COL6A3: variants seen among roughly 807,000 people sequenced by gnomAD.
COL6A3 encodes the protein collagen alpha-3(VI) chain.
COL6A3 carries 137 observed loss-of-function variants against 274.1 expected under a neutral mutation model. That is an observed-to-expected ratio of 0.50 (90% CI 0.44 to 0.58). COL6A3 has a LOEUF of 0.58. Among genes scored for constraint, COL6A3 ranks in the 20% least tolerant of loss-of-function variants. The pLI is 0.00. For synonymous variants in COL6A3, 1,650 were observed against 1,650.6 expected, an observed-to-expected ratio of 1.00 and a Z score of 0.01; for missense variants, 3,950 against 4,124.9, an observed-to-expected ratio of 0.96 and a Z score of 1.16.
intron 1 of COL6A3, among the ~76,000 whole-genome samples, chr2:237,403,948 T>C (rs1002604069): frequency 6.6e-6 from 1 of 151,990 alleles, no homozygotes; most frequent in Non-Finnish European, 1.5e-5. Context: ...GTTAGACCCA[T>C]TCCTGAGTGT....
chr2:237,363,246 A>T lies in COL6A3; in HGVS notation c.6063+7T>A. 6.2e-7 allele frequency: 1 copy of T among 1,614,040 alleles called. No individual in the cohort carries two copies. Among genetic ancestry groups the T allele is most frequent in the Non-Finnish European group, 8.5e-7 (1 of 1,180,006 alleles). On this transcript the variant is annotated splice_region_variant and intron_variant, in intron 14 of 43. Transcript: ENST00000295550. Reference sequence around the variant, plus strand: ...GGTCTGTGTATAAAGACATAAAAAAAACTCACAAGCTGCTCCGCTAGTTCA... The same window carrying T: ...GGTCTGTGTATAAAGACATAAAAAATACTCACAAGCTGCTCCGCTAGTTCA...
chr2:237,381,017 A>T lies in COL6A3; in HGVS notation c.1795T>A (p.Ser599Thr), dbSNP rs759009773. 1.7e-5 allele frequency: 28 copies of T among 1,614,046 alleles called. No individual in the cohort carries two copies. Among genetic ancestry groups the T allele is most frequent in the Non-Finnish European group, 2.2e-5 (26 of 1,180,036 alleles). Residue 599 changes from serine to threonine, a missense_variant, in exon 5 of 44, where the codon TCC becomes ACC. By Grantham distance (58) the Ser-to-Thr change is moderately conservative. This residue lies in a region of COL6A3 where 1,934 missense variants were observed against 1,984.3 expected (regional missense o/e 0.97). Transcript: ENST00000295550. ...TCAGCTGGGATGAACACCAGGGAGG[A>T]GTCGAAAGCGATCTCTTCCAGCTCA... The part of the protein sequence containing the change: ...QAELEEIAFD[S>T]SLVFIPAEFR...
intron 16 of COL6A3, 139 bp downstream of exon 16, chr2:237,360,982 A>T: frequency 1.3e-6 from 1 of 766,656 alleles, no homozygotes; most frequent in Non-Finnish European, 2.3e-6. Context: ...CAAAGTTGTT[A>T]AGAAAAGTAT....
intron 23 of COL6A3, 160 bp from the exon 24 acceptor site, chr2:237,355,094 G>T: frequency 1.5e-6 from 1 of 653,158 alleles, no homozygotes; most frequent in Non-Finnish European, 2.7e-6. Context: ...CACCTCATCA[G>T]CCCTGGGGAA....
chr2:237,372,475 G>T, intron 8 of COL6A3, 138 bp from the exon 9 acceptor site: 2 of 1,511,522 alleles, frequency 1.3e-6, no homozygotes, highest in East Asian at 2.3e-5. Flanking sequence ...TCCAAGAAGT[G>T]GGAGTCCTGG....
chr2:237,364,487 T>A lies in COL6A3; in HGVS notation c.5839-59A>T. On this transcript the variant is annotated intron_variant, in intron 12 of 43. Transcript: ENST00000295550. This position sits in a 1 kb window ranked among gnomAD's most constrained non-coding sequence, Gnocchi z 4.6. Reference sequence around the variant, plus strand: ...ACTAAAAAGGAGTGTTGCAGACTGCTGATAGAAAACTGAGAGACTCGCTGT... The same window carrying A: ...ACTAAAAAGGAGTGTTGCAGACTGCAGATAGAAAACTGAGAGACTCGCTGT... The A allele has an allele frequency of 7.4e-7, 1 of 1,344,406 alleles. No homozygotes were observed. The highest frequency in any genetic ancestry group is 1.4e-5 in the African/African-American group (1 of 69,806). 83.3% of individuals were successfully genotyped at this position (1,344,406 alleles called of 1,614,324 possible).
rs765326254 is a variant in COL6A3 at position 237,350,226 on chromosome 2, T to C, written c.6817-17A>G. ...GGGCTCACCCTAGACATGAGAAACA[T>C]GGCTGAGACCCTGTGGCCTGGGGCT... On this transcript the variant is annotated splice_polypyrimidine_tract_variant and intron_variant, in intron 27 of 43. Transcript: ENST00000295550. The C allele has an allele frequency of 3.1e-6, 5 of 1,613,796 alleles. No individual in the cohort carries two copies. The East Asian group carries it at 8.9e-5, about 29-fold the overall frequency.
intron 4 of COL6A3, among the ~76,000 whole-genome samples, chr2:237,386,041 T>A (rs117306083): frequency 0.012 from 1,850 of 152,352 alleles, 66 homozygotes; most frequent in Admixed American, 0.059. Flanking sequence ...CTACATCACC[T>A]GGTCACAGTT....
intron 4 of COL6A3, 62 bp downstream of exon 4, chr2:237,387,520 C>T: frequency 1.2e-6 from 2 of 1,612,026 alleles, no homozygotes; most frequent in Middle Eastern, 3.3e-4. Context: ...CACCTTACGT[C>T]TATGTAAACC....
At chr2:237,332,117 A>ATAATATATATG (rs35490728) in intron 42 of COL6A3, among the ~76,000 whole-genome samples, 2 of 64,170 alleles carry the variant, frequency 3.1e-5, no homozygotes, top group Non-Finnish European at 6.4e-5. Flanking sequence ...ATATATATAT[A>ATAATATATATG]TGAAAAGAAA....
chr2:237,398,265 A>C (rs1305409880), intron 1 of COL6A3, among the ~76,000 whole-genome samples: 1 of 152,196 alleles, frequency 6.6e-6, no homozygotes, highest in African/African-American at 2.4e-5. Context: ...CTGGAGGCTA[A>C]CTGCCCTGAT....
At position 237,368,801 on chromosome 2, in the gene COL6A3, G is replaced by A. The variant is rs764225803; in HGVS notation, c.4662C>T (p.Asp1554=). 83 of 1,614,022 alleles carry A rather than the reference G, an allele frequency of 5.1e-5. No homozygotes were observed. The highest frequency in any genetic ancestry group is 1.3e-4 in the East Asian group (6 of 44,888). Residue 1554 remains aspartate (D), a synonymous_variant, in exon 10 of 44, where the codon GAC becomes GAT. Transcript: ENST00000295550. This position sits in a 1 kb window ranked among gnomAD's most constrained non-coding sequence, Gnocchi z 4.4. The stretch of plus-strand genomic sequence containing the variant: ...TCACCTGGGCGAACCTGGACACATC[G>A]TCCTGGGATTTTCCACCCAGGACCA... ...LVLVLGGKSQ[D]DVSRFAQVIR... is the part of the protein sequence containing the mutation.
chr2:237,409,189 A>G (rs564256300), intron 1 of COL6A3, among the ~76,000 whole-genome samples: 2 of 152,298 alleles, frequency 1.3e-5, no homozygotes, highest in South Asian at 4.2e-4. Flanking sequence ...AGTTTTTTTG[A>G]TATTTCAATT....
chr2:237,395,841 A>G (rs1305378026), intron 2 of COL6A3, among the ~76,000 whole-genome samples: 1 of 152,226 alleles, frequency 6.6e-6, no homozygotes, highest in African/African-American at 2.4e-5. Context: ...TCAGAGCCAG[A>G]AAAGTCTCCA....
chr2:237,334,304 C>T (rs1367660588), intron 41 of COL6A3, among the ~76,000 whole-genome samples: 5 of 152,142 alleles, frequency 3.3e-5, no homozygotes, highest in Non-Finnish European at 5.9e-5. Flanking sequence ...GAGCCCTCAC[C>T]GGGAGACGTG....
chr2:237,373,668 G>A (rs767742070), intron 8 of COL6A3, among the ~76,000 whole-genome samples: 8 of 152,026 alleles, frequency 5.3e-5, no homozygotes, highest in Non-Finnish European at 2.9e-5. Flanking sequence ...GCATATGAGG[G>A]AGCAAGGCCG....
At chr2:237,352,612 G>A (rs1410900217) in intron 25 of COL6A3, 28 bp from the exon 26 acceptor site, 1 of 1,603,820 alleles carries the variant, frequency 6.2e-7, no homozygotes, top group Non-Finnish European at 8.5e-7. Flanking sequence ...CATCGTGAGT[G>A]CTAATGAGGT....
In COL6A3 at chr2:237,344,134, G is replaced by T; in HGVS notation, c.7668+216C>A. On this transcript the variant is annotated intron_variant, in intron 36 of 43. Coordinates refer to ENST00000295550, the MANE Select transcript of COL6A3 (RefSeq NM_004369.4). This position sits in a 1 kb window ranked among gnomAD's most constrained non-coding sequence, Gnocchi z 4.8. ...GCTGTCAACATGTGAGGAGGGACCTGGGGGCAGTGCTACAAGCATGTAGGC... is the reference window on the plus strand; with the variant it reads ...GCTGTCAACATGTGAGGAGGGACCTTGGGGCAGTGCTACAAGCATGTAGGC... The T allele has an allele frequency of 1.5e-6, 1 of 685,262 alleles. No homozygotes were observed. The highest frequency in any genetic ancestry group is 2.6e-6 in the Non-Finnish European group (1 of 385,444). The allele number at this position is 685,262 out of a possible 1,614,324, so 42.4% of individuals were successfully genotyped here.
chr2:237,341,901 T>C (rs956895139), intron 37 of COL6A3, among the ~76,000 whole-genome samples, 164 bp downstream of exon 37: 10 of 152,362 alleles, frequency 6.6e-5, no homozygotes, highest in Admixed American at 1.3e-4. Flanking sequence ...CCATTTTTAA[T>C]ATAGAAACTG....
Sources: gnomAD v4.1 joint callset for allele counts (sites outside exome capture counted in the v4.1 genomes callset) on GRCh38, gnomAD v4.1.1 for gene constraint, gnomAD v4.1.1 regional missense constraint, Gnocchi (gnomAD v3.1) non-coding constraint, MANE v1.5 for transcripts, NCBI Gene and HGNC (gene_info 2026-07-23, HGNC 2026-07-21) for gene names.